BMP3: variants seen among roughly 807,000 people sequenced by gnomAD.
The protein encoded by BMP3 is bone morphogenetic protein 3 (osteogenic).
In BMP3, 23 loss-of-function variants were observed where a neutral mutation model predicts 38.1. That is an observed-to-expected ratio of 0.60 (90% confidence interval 0.43 to 0.86). The LOEUF (loss-of-function observed/expected upper bound fraction) is 0.86. Among genes scored for constraint, BMP3 ranks in the 40% least tolerant of loss-of-function variants. BMP3 has a pLI of 0.00. For synonymous variants in BMP3, 258 were observed against 225.7 expected (o/e 1.14, Z -1.28); for missense variants, 628 against 579.6 (o/e 1.08, Z -0.86).
At chr4:81,044,228 A>G (rs1243178529) in intron 1 of BMP3, among the ~76,000 whole-genome samples, 1 of 152,158 alleles carries the variant, frequency 6.6e-6, no homozygotes, top group Non-Finnish European at 1.5e-5. Context: ...ATTTGTAGGA[A>G]TAAGTCTTGA....
chr4:81,048,187 A>G (rs114588819), intron 2 of BMP3, among the ~76,000 whole-genome samples: 1 of 152,320 alleles, frequency 6.6e-6, no homozygotes, highest in Non-Finnish European at 1.5e-5. Flanking sequence ...AGGATATTTT[A>G]CTGATCAAAC....
At chr4:81,047,834 G>A (rs1337476063) in intron 2 of BMP3, among the ~76,000 whole-genome samples, 1 of 151,690 alleles carries the variant, frequency 6.6e-6, no homozygotes, top group African/African-American at 2.4e-5. Context: ...CAGCTACTCT[G>A]GAGGCTGAGG....
At chr4:81,049,169 T>C (rs1222814188) in intron 2 of BMP3, among the ~76,000 whole-genome samples, 1 of 152,156 alleles carries the variant, frequency 6.6e-6, no homozygotes, top group Non-Finnish European at 1.5e-5. Context: ...TTATTGGCAT[T>C]ATTATTCACG....
intron 1 of BMP3, among the ~76,000 whole-genome samples, chr4:81,037,561 A>G (rs921785086): frequency 6.6e-6 from 1 of 152,128 alleles, no homozygotes; most frequent in African/African-American, 2.4e-5. Flanking sequence ...AGTGAATGCA[A>G]AGATGCTTTA....
At chr4:81,041,818 T>G (rs1335406837) in intron 1 of BMP3, among the ~76,000 whole-genome samples, 2 of 152,196 alleles carry the variant, frequency 1.3e-5, no homozygotes, top group Non-Finnish European at 2.9e-5. Context: ...TCTTTAAAAG[T>G]CTGGTCCAAA....
At position 81,053,590 on chromosome 4, in the gene BMP3, G is replaced by C; in HGVS notation, c.*54G>C. Reference sequence around the variant, plus strand: ...ATTCAATCATTAGTTTATTTTTATGGACTTCTTCCTGTTTTTTTTTTTTTT... The same window carrying C: ...ATTCAATCATTAGTTTATTTTTATGCACTTCTTCCTGTTTTTTTTTTTTTT... On this transcript the variant is annotated 3_prime_UTR_variant, in exon 3 of 3. Coordinates refer to ENST00000282701, the MANE Select transcript of BMP3 (RefSeq NM_001201.5). The C allele has an allele frequency of 1.1e-6, 1 of 886,020 alleles. No individual in the cohort carries two copies. Among genetic ancestry groups the C allele is most frequent in the Non-Finnish European group, 1.6e-6 (1 of 643,424 alleles). 54.9% of individuals were successfully genotyped at this position (886,020 alleles called of 1,614,324 possible).
At position 81,031,586 on chromosome 4, in the gene BMP3, G is replaced by A. The variant is rs1353834495; in HGVS notation, c.302G>A (p.Arg101Gln). The A allele has an allele frequency of 1.2e-6, 2 of 1,600,034 alleles. No homozygotes were observed. Among genetic ancestry groups the A allele is most frequent in the East Asian group, 4.5e-5 (2 of 44,440 alleles). The change falls in exon 1 of 3, where the codon CGG (arginine) becomes CAG (glutamine). Residue 101 changes from arginine to glutamine, a missense_variant. Physicochemically the swap from Arg to Gln is conservative, Grantham distance 43. Transcript: ENST00000282701. ...LREGNTVRSF[R>Q]AAAAETLERK... ...GAAGGCAACACGGTTCGCAGCTTTCGGGCGGCAGCAGCAGGTGAGTGCGCG... is the reference window on the plus strand; with the variant it reads ...GAAGGCAACACGGTTCGCAGCTTTCAGGCGGCAGCAGCAGGTGAGTGCGCG...
chr4:81,031,591 G>A lies in BMP3; in HGVS notation c.307G>A (p.Ala103Thr). 1 of 1,596,136 alleles carries A rather than the reference G, an allele frequency of 6.3e-7. No individual in the cohort carries two copies. The highest frequency in any genetic ancestry group is 8.5e-7 in the Non-Finnish European group (1 of 1,172,552). Residue 103 changes from alanine to threonine, a missense_variant, in exon 1 of 3, where the codon GCA (alanine) becomes ACA (threonine). Transcript: ENST00000282701. ...CAACACGGTTCGCAGCTTTCGGGCG[G>A]CAGCAGCAGGTGAGTGCGCGAGGTG... is the stretch of plus-strand genomic sequence containing the variant. ...EGNTVRSFRA[A>T]AAETLERKGL...
chr4:81,048,261 G>A (rs1039966438), intron 2 of BMP3, among the ~76,000 whole-genome samples: 5 of 152,194 alleles, frequency 3.3e-5, no homozygotes, highest in African/African-American at 1.2e-4. Context: ...AATGTAACAA[G>A]CAGTGATGAG....
In BMP3 at chr4:81,055,068, G is replaced by A. The variant is rs912404948; in HGVS notation, c.*1532G>A. The A allele has an allele frequency of 6.6e-6, 1 of 152,140 alleles. No individual in the cohort carries two copies. Among genetic ancestry groups the A allele is most frequent in the African/African-American group, 2.4e-5 (1 of 41,434 alleles). 9.4% of individuals were successfully genotyped at this position (152,140 alleles called of 1,614,324 possible). On this transcript the variant is annotated 3_prime_UTR_variant, in exon 3 of 3. Coordinates refer to ENST00000282701, the MANE Select transcript of BMP3 (RefSeq NM_001201.5). Reference sequence around the variant, plus strand: ...ACTGTGTTACCTGTGTGTCTTTAGTGTCCTCACTGGTAAAATGAAGAGGCT... The same window carrying A: ...ACTGTGTTACCTGTGTGTCTTTAGTATCCTCACTGGTAAAATGAAGAGGCT...
chr4:81,037,041 C>A (rs764824598), intron 1 of BMP3, among the ~76,000 whole-genome samples: 1 of 151,912 alleles, frequency 6.6e-6, no homozygotes, highest in Non-Finnish European at 1.5e-5. Context: ...AAATGCAGTA[C>A]CTTGATTGTA....
At chr4:81,038,002 T>C (rs905503002) in intron 1 of BMP3, among the ~76,000 whole-genome samples, 2 of 152,098 alleles carry the variant, frequency 1.3e-5, no homozygotes, top group Non-Finnish European at 2.9e-5. Context: ...TTCTGATCCA[T>C]ATTTGAGAAA....
chr4:81,036,546 A>G (rs376389579), intron 1 of BMP3, among the ~76,000 whole-genome samples: 2 of 152,122 alleles, frequency 1.3e-5, no homozygotes, highest in African/African-American at 4.8e-5. Flanking sequence ...TTTTGGGGGT[A>G]GTAGTGGAAA....
At position 81,031,187 on chromosome 4, in the gene BMP3, G is replaced by A. The variant is rs1158445048; in HGVS notation, c.-98G>A. ...GCTCCGTGCGCCCTCGCCCCAGCTG[G>A]TTTGGAGTTCAACCCTCGGCTCCGC... is the stretch of plus-strand genomic sequence containing the variant. On this transcript the variant is annotated 5_prime_UTR_variant, in exon 1 of 3. Coordinates refer to ENST00000282701, the MANE Select transcript of BMP3 (RefSeq NM_001201.5). The A allele has an allele frequency of 5.3e-6, 7 of 1,321,040 alleles. 1 individual carries two copies. The highest frequency in any genetic ancestry group is 1.5e-5 in the South Asian group (1 of 65,166). 81.8% of individuals were successfully genotyped at this position (1,321,040 alleles called of 1,614,324 possible). A position where few individuals can be genotyped will look rare whatever the true frequency, so the allele number is the denominator to read the frequency against.
intron 1 of BMP3, among the ~76,000 whole-genome samples, chr4:81,043,339 T>C (rs1022711535): frequency 1.3e-5 from 2 of 152,190 alleles, no homozygotes; most frequent in African/African-American, 2.4e-5. Flanking sequence ...TCTCATTCTC[T>C]TCTTCTCTCT....
rs1740471501 is a variant in BMP3, at chr4:81,053,808, G to A, written c.*272G>A. The A allele has an allele frequency of 4.4e-6, 1 of 227,268 alleles. No homozygotes were observed. The highest frequency in any genetic ancestry group is 8.5e-6 in the Non-Finnish European group (1 of 117,746). The allele number at this position is 227,268 out of a possible 1,614,324, so 14.1% of individuals were successfully genotyped here. A position where few individuals can be genotyped will look rare whatever the true frequency, so the allele number is the denominator to read the frequency against. On this transcript the variant is annotated 3_prime_UTR_variant, in exon 3 of 3. Coordinates refer to ENST00000282701, the MANE Select transcript of BMP3 (RefSeq NM_001201.5). ...ATCAAACACAACAACTTATCAAACT[G>A]TTTTTAGAACTGTTAGAGAACACAC...
At chr4:81,053,059 G>C (rs1205386546) in intron 2 of BMP3, among the ~76,000 whole-genome samples, 3 of 152,084 alleles carry the variant, frequency 2.0e-5, no homozygotes, top group Admixed American at 6.6e-5. Context: ...ACTTAGATAA[G>C]TCGTTTAAGC....
chr4:81,046,738 TGTAA>T (rs1419774747), intron 2 of BMP3, 90 bp downstream of exon 2: 14 of 1,431,600 alleles, frequency 9.8e-6, no homozygotes, highest in East Asian at 4.6e-5. Context: ...AGGGGGTTTG[TGTAA>T]GTGTTTGTGT....
intron 1 of BMP3, among the ~76,000 whole-genome samples, chr4:81,035,441 T>C (rs909540593): frequency 3.9e-5 from 6 of 151,972 alleles, no homozygotes; most frequent in Non-Finnish European, 7.4e-5. Flanking sequence ...GTTACATACA[T>C]TTTACCTAAG....
Sources: gnomAD v4.1 joint callset for allele counts (sites outside exome capture counted in the v4.1 genomes callset) on GRCh38, gnomAD v4.1.1 for gene constraint, MANE v1.5 for transcripts, NCBI Gene and HGNC (gene_info 2026-07-23, HGNC 2026-07-21) for gene names.